PCDHGA5: variants seen among roughly 807,000 people sequenced by gnomAD.
The protein encoded by PCDHGA5 is protocadherin gamma subfamily A, 5.
In PCDHGA5, 36 loss-of-function variants were observed where a neutral mutation model predicts 56.7. That is an observed-to-expected ratio of 0.64 (90% CI 0.49 to 0.84). PCDHGA5 has a LOEUF of 0.84. Among genes scored for constraint, PCDHGA5 ranks in the 40% least tolerant of loss-of-function variants. The probability of loss-of-function intolerance (pLI) is 0.00; values close to 1 mark genes in which losing one functional copy is unlikely to be tolerated. For missense variants in PCDHGA5, 1,305 were observed against 1,201.5 expected (o/e 1.09, Z -1.27); for synonymous variants, 563 against 520.2 (o/e 1.08, Z -1.12).
chr5:141,478,624 T>C (rs1300260980), intron 1 of PCDHGA5: 3 of 1,554,196 alleles, frequency 1.9e-6, no homozygotes, highest in Non-Finnish European at 2.6e-6. Context: ...AATGGAGCTG[T>C]TTTTTTAGTG....
At chr5:141,378,725 T>C (rs999480102) in intron 1 of PCDHGA5, 1 of 152,206 alleles carries the variant, frequency 6.6e-6, no homozygotes, top group Admixed American at 6.5e-5. Flanking sequence ...ATAGGAACTC[T>C]TTATTGAAAT....
chr5:141,463,208 C>G (rs895284460), intron 1 of PCDHGA5, among the ~76,000 whole-genome samples: 1 of 152,090 alleles, frequency 6.6e-6, no homozygotes, highest in African/African-American at 2.4e-5. Flanking sequence ...CTTGGGGATC[C>G]ATATTAATAT....
chr5:141,382,913 C>T (rs1778570973), intron 1 of PCDHGA5: 1 of 1,553,116 alleles, frequency 6.4e-7, no homozygotes, highest in Admixed American at 2.0e-5. Flanking sequence ...GCGGCTCAGC[C>T]GAGGGGCGGG....
At chr5:141,407,328 A>G (rs1016529734) in intron 1 of PCDHGA5, among the ~76,000 whole-genome samples, 1 of 152,210 alleles carries the variant, frequency 6.6e-6, no homozygotes, top group Admixed American at 6.5e-5. Flanking sequence ...ATTTATAAAT[A>G]TTGAAATGTA....
Position 141,431,548 on chromosome 5 carries a change from A to G in PCDHGA5, c.2422-63259A>G, listed in dbSNP as rs1357844542. 2 of 1,614,136 alleles carry G rather than the reference A, an allele frequency of 1.2e-6. No individual in the cohort carries two copies. Among genetic ancestry groups the G allele is most frequent in the Admixed American group, 1.7e-5 (1 of 60,030 alleles). On this transcript the variant is annotated intron_variant, in intron 1 of 3. Coordinates refer to ENST00000518069, the MANE Select transcript of PCDHGA5 (RefSeq NM_018918.3). This position sits in a 1 kb window ranked among gnomAD's most constrained non-coding sequence, Gnocchi z 4.8. ...TGGCCTTGGGCACGCAGCTGCTTGT[A>G]GTCAACGCTACCGACCCTGACGAAG... is the stretch of plus-strand genomic sequence containing the variant.
rs1010180647 is a variant in PCDHGA5, at chr5:141,365,439, G to A, written c.1109G>A (p.Ser370Asn). ...CCCGGAACTGTAATCGCGCTGTTTA[G>A]CGTACATGATGGTGATTCTGGAGAA... The part of the protein sequence containing the change: ...CLPGTVIALF[S>N]VHDGDSGENG... Residue 370 changes from serine to asparagine, a missense_variant, in exon 1 of 4, where the codon AGC becomes AAC. By Grantham distance (46) the Ser-to-Asn change is conservative (BLOSUM62 1). Coordinates refer to ENST00000518069, the MANE Select transcript of PCDHGA5 (RefSeq NM_018918.3). 1.9e-6 allele frequency: 3 copies of A among 1,613,890 alleles called. No individual in the cohort carries two copies. Among genetic ancestry groups the A allele is most frequent in the Non-Finnish European group, 2.5e-6 (3 of 1,179,912 alleles).
At position 141,431,580 on chromosome 5, in the gene PCDHGA5, A is replaced by G. The variant is rs777990962; in HGVS notation, c.2422-63227A>G. ...GCTACCGACCCTGACGAAGGAGTCA[A>G]TGCGGAAGTGAGGTATTCCTTCCGG... On this transcript the variant is annotated intron_variant, in intron 1 of 3. Coordinates refer to ENST00000518069, the MANE Select transcript of PCDHGA5 (RefSeq NM_018918.3). The surrounding 1 kb of genome is among the most constrained non-coding windows in gnomAD (Gnocchi z 4.8). 1.2e-5 allele frequency: 19 copies of G among 1,614,098 alleles called. No homozygotes were observed. Among genetic ancestry groups the G allele is most frequent in the Non-Finnish European group, 1.5e-5 (18 of 1,180,040 alleles).
rs188827871 is a variant in PCDHGA5, at chr5:141,405,107, T to G, written c.2421+38356T>G. 137 of 1,613,998 alleles carry G rather than the reference T, an allele frequency of 8.5e-5. No homozygotes were observed. The Middle Eastern group carries it at 1.3e-3, about 16-fold the overall frequency. On this transcript the variant is annotated intron_variant, in intron 1 of 3. Coordinates refer to ENST00000518069, the MANE Select transcript of PCDHGA5 (RefSeq NM_018918.3). ...GCTGCTGGCCCTCAGGCTGAGGCAC[T>G]GGCACTCCTCGCATCTGCTGCGGGC...
At chr5:141,435,058 A>G (rs1161891073) in intron 1 of PCDHGA5, among the ~76,000 whole-genome samples, 3 of 152,234 alleles carry the variant, frequency 2.0e-5, no homozygotes, top group East Asian at 3.9e-4. Flanking sequence ...ACCATGCAGC[A>G]GTTTTGTGTA....
chr5:141,438,635 TACACACACACACACAC>T (rs56854727), intron 1 of PCDHGA5, among the ~76,000 whole-genome samples: 7 of 33,414 alleles, frequency 2.1e-4, no homozygotes, highest in Non-Finnish European at 3.7e-4. Flanking sequence ...TATATATATA[TACACACACACACACAC>T]ATATATGTAT....
chr5:141,413,816 T>A (rs1422730893), intron 1 of PCDHGA5: 1 of 1,613,128 alleles, frequency 6.2e-7, no homozygotes, highest in Non-Finnish European at 8.5e-7. Flanking sequence ...ATTCACCACC[T>A]GGTCCTCACC....
At chr5:141,423,577 G>T (rs1348410879) in intron 1 of PCDHGA5, 1 of 1,613,478 alleles carries the variant, frequency 6.2e-7, no homozygotes, top group Admixed American at 1.7e-5. Flanking sequence ...CATCAGCCAG[G>T]AGAGCTGTGA....
intron 1 of PCDHGA5, among the ~76,000 whole-genome samples, chr5:141,435,308 A>G (rs2097757210): frequency 6.6e-6 from 1 of 152,186 alleles, no homozygotes; most frequent in African/African-American, 2.4e-5. Flanking sequence ...GTTTTAAATC[A>G]TTCATGAACT....
intron 2 of PCDHGA5, 141 bp downstream of exon 2, chr5:141,495,006 G>C (rs1030195663): frequency 2.0e-6 from 3 of 1,521,446 alleles, no homozygotes; most frequent in Non-Finnish European, 8.8e-7. Flanking sequence ...CTTGGTGTGC[G>C]GGGGGCTGGC....
chr5:141,381,820 C>CTTTCTTTCTTTCTTTCTTTCT (rs1279410534), intron 1 of PCDHGA5, among the ~76,000 whole-genome samples: 8 of 119,916 alleles, frequency 6.7e-5, no homozygotes, highest in African/African-American at 2.7e-4. Flanking sequence ...TTCTTTCTTT[C>CTTTCTTTCTTTCTTTCTTTCT]TTCTTCTTTT....
Position 141,365,323 on chromosome 5 carries a change from T to C in PCDHGA5, c.993T>C (p.Ala331=), listed in dbSNP as rs1307889489. 1 of 1,613,858 alleles carries C rather than the reference T, an allele frequency of 6.2e-7. No individual in the cohort carries two copies. The highest frequency in any genetic ancestry group is 1.3e-5 in the African/African-American group (1 of 74,926). The change falls in exon 1 of 4, where the codon GCT becomes GCC. Residue 331 remains alanine (A), a synonymous_variant. Coordinates refer to ENST00000518069, the MANE Select transcript of PCDHGA5 (RefSeq NM_018918.3). ...ATGGAGGCGCTCTTGTTGCCAGCGC[T>C]AAGGTGGTGGTCACAGTACAGGACG... ...AQDGGALVAS[A]KVVVTVQDVN...
intron 1 of PCDHGA5, among the ~76,000 whole-genome samples, chr5:141,455,913 T>C (rs2098837234): frequency 7.2e-6 from 1 of 138,032 alleles, no homozygotes; most frequent in African/African-American, 2.7e-5. Context: ...ATTTATTTAT[T>C]TTGAGACGGA....
chr5:141,409,657 C>T (rs13184346), intron 1 of PCDHGA5: 1 of 1,613,620 alleles, frequency 6.2e-7, no homozygotes, highest in Non-Finnish European at 8.5e-7. Context: ...GGCTCAATGG[C>T]CACATCTCCT....
chr5:141,365,998 C>G lies in PCDHGA5; in HGVS notation c.1668C>G (p.Asn556Lys). 6.2e-7 allele frequency: 1 copy of G among 1,614,234 alleles called. No individual in the cohort carries two copies. Residue 556 changes from asparagine to lysine, a missense_variant, in exon 1 of 4, where the codon AAC becomes AAG. Transcript: ENST00000518069. ...VSLSLFVLDQ[N>K]DNTPEILYPA... ...TGAGCCTGTTTGTGCTGGACCAGAA[C>G]GACAATACGCCTGAGATCCTGTACC...
Sources: allele counts gnomAD v4.1 joint callset (sites outside exome capture counted in the v4.1 genomes callset), GRCh38; gene constraint gnomAD v4.1.1; non-coding constraint Gnocchi (gnomAD v3.1); transcripts MANE v1.5; gene names NCBI Gene and HGNC (gene_info 2026-07-23, HGNC 2026-07-21).